The following PLA2G6 variants were observed in gnomAD, a reference collection of about 807,000 sequenced individuals.
The protein encoded by PLA2G6 is phospholipase A2 group VI, also known as 85/88 kDa calcium-independent phospholipase A2.
A neutral mutation model predicts 83.8 loss-of-function variants in PLA2G6; 62 were observed. The observed-to-expected ratio is 0.74, with a 90% CI of 0.60 to 0.91. The LOEUF (loss-of-function observed/expected upper bound fraction) is 0.91. Ranked by LOEUF, PLA2G6 falls within the 40% of genes least tolerant of loss-of-function variation. The pLI, the probability that PLA2G6 is intolerant of heterozygous loss-of-function variation, is 0.00. For missense variants in PLA2G6, 944 were observed against 1,102.0 expected (o/e 0.86, Z 2.03); for synonymous variants, 417 against 449.8 (o/e 0.93, Z 0.92).
chr22:38,144,952 C>T (rs2089159099), intron 3 of PLA2G6: 2 of 351,714 alleles, frequency 5.7e-6, no homozygotes, highest in African/African-American at 2.2e-5. Context: ...CTCCCACAGA[C>T]CTGGCACCTG....
At chr22:38,167,139 A>G (rs1202653289) in intron 2 of PLA2G6, among the ~76,000 whole-genome samples, 3 of 151,078 alleles carry the variant, frequency 2.0e-5, no homozygotes, top group Non-Finnish European at 2.9e-5. Flanking sequence ...GAGGCAGGAG[A>G]ATGGCGTGAA....
At chr22:38,147,537 CCTTT>C (rs1320417438) in intron 2 of PLA2G6, 6 of 125,040 alleles carry the variant, frequency 4.8e-5, no homozygotes, top group Non-Finnish European at 1.1e-4. Flanking sequence ...CCTCCTGAAG[CCTTT>C]TTTTTTTTTT....
At chr22:38,125,068 C>A (rs979098923) in intron 10 of PLA2G6, among the ~76,000 whole-genome samples, 2 of 152,200 alleles carry the variant, frequency 1.3e-5, no homozygotes, top group Non-Finnish European at 1.5e-5. Context: ...GTGGGTCCCC[C>A]CTTCAGGTGC....
At chr22:38,152,489 G>A (rs572685098) in intron 2 of PLA2G6, among the ~76,000 whole-genome samples, 49 of 152,032 alleles carry the variant, frequency 3.2e-4, no homozygotes, top group East Asian at 1.4e-3. Flanking sequence ...TTACAGGCAC[G>A]AGCCACTGTG....
At chr22:38,143,037 G>A in intron 4 of PLA2G6, 68 bp downstream of exon 4, 1 of 1,466,736 alleles carries the variant, frequency 6.8e-7, no homozygotes, top group Non-Finnish European at 9.6e-7. Context: ...CTGAGCCTAG[G>A]GGCCCAAAGG....
At chr22:38,146,107 C>T (rs2089246769) in intron 2 of PLA2G6, 2 of 211,964 alleles carry the variant, frequency 9.4e-6, no homozygotes, top group South Asian at 6.9e-5. Context: ...GTAATCTCAC[C>T]TCACTGCGAC....
At chr22:38,127,190 G>A in intron 9 of PLA2G6, 1 of 1,184,908 alleles carries the variant, frequency 8.4e-7, no homozygotes, top group Non-Finnish European at 1.1e-6. Flanking sequence ...CAGCAAAGCA[G>A]AACCGAGGGC....
At position 38,127,517 on chromosome 22, in the gene PLA2G6, G is replaced by A. The variant is rs2087938204; in HGVS notation, c.1348+752C>T. The A allele has an allele frequency of 3.5e-6, 4 of 1,141,284 alleles. 1 individual carries two copies. In the South Asian group the frequency reaches 5.1e-5, roughly 15 times the overall value. The allele number at this position is 1,141,284 out of a possible 1,614,324, so 70.7% of individuals were successfully genotyped here. ...GGGGGAGTTCCTGGGAGGGGAGAGA[G>A]AGGTGGAGCCAGGACTAGAAGCCAC... On this transcript the variant is annotated intron_variant, in intron 9 of 16. Coordinates refer to ENST00000332509, the MANE Select transcript of PLA2G6 (RefSeq NM_003560.4).
At chr22:38,160,510 T>A (rs2089966959) in intron 2 of PLA2G6, among the ~76,000 whole-genome samples, 1 of 152,144 alleles carries the variant, frequency 6.6e-6, no homozygotes, top group South Asian at 2.1e-4. Flanking sequence ...ACAAAACGTA[T>A]CAATCTCGCC....
chr22:38,177,524 G>A (rs6001040), intron 1 of PLA2G6, among the ~76,000 whole-genome samples: 59,738 of 147,264 alleles, frequency 0.41, 12,514 homozygotes, highest in African/African-American at 0.48. Context: ...GTGCAATGGC[G>A]TGATCTTGGC....
intron 2 of PLA2G6, among the ~76,000 whole-genome samples, chr22:38,167,688 T>C (rs937188599): frequency 2.0e-5 from 3 of 152,214 alleles, no homozygotes; most frequent in Non-Finnish European, 4.4e-5. Context: ...GAGCTGCATT[T>C]AGCCCAAGCA....
At chr22:38,113,881 G>C in intron 14 of PLA2G6, 1 of 660,250 alleles carries the variant, frequency 1.5e-6, no homozygotes, top group Non-Finnish European at 2.8e-6. Flanking sequence ...GACAGCATCT[G>C]TGTACCAACA....
At chr22:38,171,819 C>T (rs2090449169) in intron 1 of PLA2G6, among the ~76,000 whole-genome samples, 1 of 142,724 alleles carries the variant, frequency 7.0e-6, no homozygotes, top group South Asian at 2.3e-4. Flanking sequence ...AAGACTCCGT[C>T]TCAGAAAAAA....
Position 38,142,905 on chromosome 22 carries a change from C to T in PLA2G6, c.609+200G>A, listed in dbSNP as rs2076113. On this transcript the variant is annotated intron_variant, in intron 4 of 16. Transcript: ENST00000332509. ...TCCCCAGGTTTATCAAGCAAAGAGA[C>T]TGAGGACGTGGCTCCTGGAAAAGGG... The T allele has an allele frequency of 0.09, 61,892 of 691,324 alleles. 3,287 individuals are homozygous for T. The highest frequency in any genetic ancestry group is 0.22 in the East Asian group (8,485 of 39,298). 42.8% of individuals were successfully genotyped at this position (691,324 alleles called of 1,614,324 possible).
chr22:38,170,562 T>A (rs569322794), intron 1 of PLA2G6, among the ~76,000 whole-genome samples: 1 of 152,268 alleles, frequency 6.6e-6, no homozygotes, highest in East Asian at 1.9e-4. Flanking sequence ...CCAGTGTTGA[T>A]GATGGAATTA....
At chr22:38,160,778 G>C (rs1451903649) in intron 2 of PLA2G6, among the ~76,000 whole-genome samples, 1 of 152,150 alleles carries the variant, frequency 6.6e-6, no homozygotes, top group African/African-American at 2.4e-5. Context: ...CCAGGAGGCA[G>C]AGCTTGCAGT....
rs142715413 is a variant in PLA2G6, at chr22:38,145,597, G to A, written c.266C>T (p.Ser89Phe). Residue 89 changes from serine to phenylalanine, a missense_variant, in exon 3 of 17, where the codon TCC (serine) becomes TTC (phenylalanine). By Grantham distance (155) the Ser-to-Phe change is radical. Coordinates refer to ENST00000332509, the MANE Select transcript of PLA2G6 (RefSeq NM_003560.4). ...GCTCTCATAGAAGGGTAGCAGCTGG[G>A]AAGAATACTGATGGAAATTCACTAG... ...DALVNFHQYS[S>F]QLLPFYESSP... 8 of 1,613,718 alleles carry A rather than the reference G, an allele frequency of 5.0e-6. No homozygotes were observed. The Admixed American group carries it at 5.0e-5, about 10-fold the overall frequency.
intron 4 of PLA2G6, chr22:38,142,583 A>G (rs1378090310): frequency 1.5e-5 from 3 of 198,748 alleles, no homozygotes; most frequent in Admixed American, 1.1e-4. Flanking sequence ...TCACACATAA[A>G]ATACATGAAC....
At chr22:38,173,212 C>T (rs1050246841) in intron 1 of PLA2G6, among the ~76,000 whole-genome samples, 2 of 152,058 alleles carry the variant, frequency 1.3e-5, no homozygotes, top group Non-Finnish European at 2.9e-5. Flanking sequence ...GATGAGGGCC[C>T]CCCGCATCAT....
Sources: gnomAD v4.1 joint callset for allele counts (sites outside exome capture counted in the v4.1 genomes callset) on GRCh38, gnomAD v4.1.1 for gene constraint, MANE v1.5 for transcripts, NCBI Gene and HGNC (gene_info 2026-07-23, HGNC 2026-07-21) for gene names.